KIZ: variants seen among roughly 807,000 people sequenced by gnomAD.
KIZ encodes the protein kizuna centrosomal protein, also known as centrosomal protein kizuna.
A neutral mutation model predicts 79.6 loss-of-function variants in KIZ; 68 were observed. That is an observed-to-expected ratio of 0.85 (90% CI 0.70 to 1.05). The LOEUF is 1.05. KIZ is among the 50% of genes least tolerant of loss of function. The probability of loss-of-function intolerance (pLI) is 0.00; values close to 1 mark genes in which losing one functional copy is unlikely to be tolerated. For synonymous variants in KIZ, 280 were observed against 281.8 expected (o/e 0.99, Z 0.06); for missense variants, 797 against 800.4 (o/e 1.00, Z 0.05).
Position 21,162,351 on chromosome 20 carries a change from T to A in KIZ, c.886T>A (p.Ser296Thr). 6.2e-7 allele frequency: 1 copy of A among 1,613,904 alleles called. No homozygotes were observed. The highest frequency in any genetic ancestry group is 8.5e-7 in the Non-Finnish European group (1 of 1,179,868). Residue 296 changes from serine to threonine, a missense_variant, in exon 5 of 13, where the codon TCC becomes ACC. By Grantham distance (58) the Ser-to-Thr change is moderately conservative. Transcript: ENST00000619189. ...AACCACTGATTTAAAGTGTGACAGTTCCAGCGGATCAGAGGGAGAAATACT... is the reference window on the plus strand; with the variant it reads ...AACCACTGATTTAAAGTGTGACAGTACCAGCGGATCAGAGGGAGAAATACT... ...NRTTDLKCDS[S>T]SGSEGEILTR...
chr20:21,151,851 A>G (rs551542362), intron 4 of KIZ: 6 of 152,230 alleles, frequency 3.9e-5, no homozygotes, highest in Non-Finnish European at 8.8e-5. Context: ...CTTTTGTTCA[A>G]AACGGCAAAA....
intron 9 of KIZ, among the ~76,000 whole-genome samples, chr20:21,220,770 A>G (rs1179514347): frequency 6.6e-6 from 1 of 152,186 alleles, no homozygotes; most frequent in Non-Finnish European, 1.5e-5. Flanking sequence ...GTGAGCCGCC[A>G]CGCCCGGCCT....
chr20:21,205,338 G>A (rs1361071474), intron 6 of KIZ, among the ~76,000 whole-genome samples, 153 bp from the exon 7 acceptor site: 1 of 152,086 alleles, frequency 6.6e-6, no homozygotes, highest in African/African-American at 2.4e-5. Flanking sequence ...TAAAAAAAAG[G>A]ATACTTGGAC....
intron 6 of KIZ, among the ~76,000 whole-genome samples, chr20:21,168,692 GC>G (rs1390646775): frequency 1.3e-5 from 2 of 152,074 alleles, no homozygotes; most frequent in African/African-American, 4.8e-5. Context: ...ATACTACAAG[GC>G]TACAGTAACC....
chr20:21,170,635 G>A (rs1056512447), intron 6 of KIZ, among the ~76,000 whole-genome samples: 17 of 151,972 alleles, frequency 1.1e-4, no homozygotes, highest in Admixed American at 3.3e-4. Flanking sequence ...TGATCTGCCC[G>A]CCTCAGCCTC....
intron 4 of KIZ, chr20:21,149,034 A>T (rs191841679): frequency 6.6e-6 from 1 of 152,254 alleles, no homozygotes; most frequent in Admixed American, 6.5e-5. Context: ...CTTTATGTGT[A>T]TCAACTCATT....
At chr20:21,180,238 CTTTT>C (rs779806726) in intron 6 of KIZ, among the ~76,000 whole-genome samples, 1 of 132,794 alleles carries the variant, frequency 7.5e-6, no homozygotes, top group Non-Finnish European at 1.6e-5. Context: ...CTCTTTGCTC[CTTTT>C]TTTTTTTTTT....
intron 11 of KIZ, among the ~76,000 whole-genome samples, 155 bp from the exon 12 acceptor site, chr20:21,244,090 C>G (rs1256287925): frequency 6.6e-6 from 1 of 152,190 alleles, no homozygotes; most frequent in South Asian, 2.1e-4. Context: ...CGCTGCATCC[C>G]GATATTTTCC....
chr20:21,168,150 T>A (rs900171476), intron 6 of KIZ, among the ~76,000 whole-genome samples: 3 of 152,150 alleles, frequency 2.0e-5, no homozygotes, highest in Non-Finnish European at 4.4e-5. Flanking sequence ...AATTCCCACC[T>A]ATGAGTGAGA....
rs1214839401 is a variant in KIZ, at chr20:21,145,615, G to C, written c.366G>C (p.Leu122=). 1.3e-6 allele frequency: 2 copies of C among 1,529,086 alleles called. No individual in the cohort carries two copies. The highest frequency in any genetic ancestry group is 2.8e-5 in the African/African-American group (2 of 72,390). 94.7% of individuals were successfully genotyped at this position (1,529,086 alleles called of 1,614,324 possible). The part of the protein sequence containing the change: ...IKKMLCSKDS[L]GLKEELTDED... ...AGATGCTATGCTCAAAAGATAGCCTGGGACTAAAAGAGGAACTGACAGATG... is the reference window on the plus strand; with the variant it reads ...AGATGCTATGCTCAAAAGATAGCCTCGGACTAAAAGAGGAACTGACAGATG... The change falls in exon 4 of 13, where the codon CTG becomes CTC. Residue 122 remains leucine (L), a synonymous_variant. Transcript: ENST00000619189.
chr20:21,161,303 G>A (rs556327402), intron 4 of KIZ, among the ~76,000 whole-genome samples: 2 of 152,112 alleles, frequency 1.3e-5, no homozygotes, highest in South Asian at 2.1e-4. Flanking sequence ...TCCTGATGAC[G>A]TCTTTTCAAA....
rs755969424 is a variant in KIZ at position 21,244,269 on chromosome 20, G to A, written c.1905G>A (p.Val635=). ...GGCATGAAAACAAAAAGAAACCCGT[G>A]ATCAATTTAAAATCTAATGGTGAGA... ...LSRHENKKKP[V]INLKSNALWD... The change falls in exon 12 of 13, where the codon GTG becomes GTA. Residue 635 remains valine, a synonymous_variant. Coordinates refer to ENST00000619189, the MANE Select transcript of KIZ (RefSeq NM_018474.6). 2 of 1,603,418 alleles carry A rather than the reference G, an allele frequency of 1.2e-6. No homozygotes were observed.
chr20:21,241,935 T>G (rs1314334986), intron 11 of KIZ, among the ~76,000 whole-genome samples: 1 of 152,202 alleles, frequency 6.6e-6, no homozygotes. Flanking sequence ...AACTTGATTC[T>G]GAAGTGCAAT....
At chr20:21,208,082 TAAC>T (rs1408578267) in intron 7 of KIZ, among the ~76,000 whole-genome samples, 1 of 152,194 alleles carries the variant, frequency 6.6e-6, no homozygotes, top group Non-Finnish European at 1.5e-5. Flanking sequence ...CACTGTCTTG[TAAC>T]AACATTATTT....
At chr20:21,232,919 G>T in intron 11 of KIZ, 89 bp downstream of exon 11, 1 of 708,450 alleles carries the variant, frequency 1.4e-6, no homozygotes, top group Non-Finnish European at 2.6e-6. Context: ...GTATTATTTT[G>T]TTGTATGACT....
At chr20:21,156,076 A>T (rs879940388) in intron 4 of KIZ, among the ~76,000 whole-genome samples, 16 of 152,188 alleles carry the variant, frequency 1.1e-4, no homozygotes, top group Non-Finnish European at 2.4e-4. Flanking sequence ...TATAATTTTT[A>T]AAAATCATCT....
Position 21,232,796 on chromosome 20 carries a change from A to G in KIZ, c.1846A>G (p.Ser616Gly), listed in dbSNP as rs368797397. ...AGCTAACAAAATTGCTTCGGAAGCT[A>G]GTTTTTCATCTAGTGAAGGAAGTCC... ...KTANKIASEA[S>G]FSSSEGSPLS... The change falls in exon 11 of 13, where the codon AGT becomes GGT. Residue 616 changes from serine to glycine, a missense_variant. Ser to Gly is a moderately conservative substitution (Grantham distance 56). Coordinates refer to ENST00000619189, the MANE Select transcript of KIZ (RefSeq NM_018474.6). 1.3e-6 allele frequency: 2 copies of G among 1,582,944 alleles called. No homozygotes were observed. The highest frequency in any genetic ancestry group is 1.7e-6 in the Non-Finnish European group (2 of 1,158,418).
At chr20:21,246,140 G>A (rs2037378844) in intron 12 of KIZ, 1 of 247,914 alleles carries the variant, frequency 4.0e-6, no homozygotes, top group Non-Finnish European at 7.7e-6. Flanking sequence ...CTGAGGTGGG[G>A]CGGCATCAGG....
chr20:21,184,561 T>C (rs1368548975), intron 6 of KIZ, among the ~76,000 whole-genome samples: 4 of 152,240 alleles, frequency 2.6e-5, no homozygotes, highest in Admixed American at 1.3e-4. Flanking sequence ...CTTTGAAGAA[T>C]AGCAGTTGAG....
Sources: gnomAD v4.1 joint callset for allele counts (sites outside exome capture counted in the v4.1 genomes callset) on GRCh38, gnomAD v4.1.1 for gene constraint, MANE v1.5 for transcripts, NCBI Gene and HGNC (gene_info 2026-07-23, HGNC 2026-07-21) for gene names.